Variants in IQCM observed in about 807,000 individuals in gnomAD.
The protein encoded by IQCM is IQ domain-containing protein M.
A neutral mutation model predicts 57.6 loss-of-function variants in IQCM; 45 were observed. The ratio of observed to expected loss-of-function variants is 0.78; its 90% CI spans 0.62 to 1.00. The LOEUF is 1.00. IQCM is among the 50% of genes least tolerant of loss of function. The pLI, the probability that IQCM is intolerant of heterozygous loss-of-function variation, is 0.00. For synonymous variants in IQCM, 148 were observed against 158.9 expected, an observed-to-expected ratio of 0.93 and a Z score of 0.51; for missense variants, 468 against 511.6, an observed-to-expected ratio of 0.91 and a Z score of 0.82.
At chr4:149,812,211 G>A (rs987575631) in intron 2 of IQCM, among the ~76,000 whole-genome samples, 3 of 152,024 alleles carry the variant, frequency 2.0e-5, no homozygotes, top group Non-Finnish European at 4.4e-5. Flanking sequence ...TTTTAATTTG[G>A]AGCCATATTC....
chr4:149,528,284 C>T (rs886872026), intron 12 of IQCM, among the ~76,000 whole-genome samples: 2 of 152,142 alleles, frequency 1.3e-5, no homozygotes, highest in African/African-American at 4.8e-5. Context: ...CCACACCCAG[C>T]CTATCTTGAT....
chr4:149,501,007 G>A lies in IQCM; in HGVS notation c.1228+47448C>T, dbSNP rs1743185652. On this transcript the variant is annotated intron_variant, in intron 12 of 13. Transcript: ENST00000636793. ...ACTTGAAAGAAGACACAGAAGTCAT[G>A]CTTATCCATTTTTGGAAGACAAAAA... Among the ~76,000 whole-genome samples, 3 of 152,162 alleles carry A rather than the reference G, an allele frequency of 2.0e-5. No individual in the cohort carries two copies. The South Asian group carries it at 6.2e-4, about 31-fold the overall frequency.
chr4:149,449,632 A>C (rs554407692), intron 12 of IQCM, among the ~76,000 whole-genome samples: 3 of 151,378 alleles, frequency 2.0e-5, no homozygotes, highest in Non-Finnish European at 3.0e-5. Context: ...CATAAAATTA[A>C]ATATCTAGGA....
At chr4:149,377,020 A>T (rs1053760484) in intron 13 of IQCM, among the ~76,000 whole-genome samples, 4 of 152,134 alleles carry the variant, frequency 2.6e-5, no homozygotes, top group Non-Finnish European at 5.9e-5. Flanking sequence ...ACTTGGTCAC[A>T]TGAAGCTACT....
chr4:149,392,506 T>G (rs1731936551), intron 13 of IQCM, among the ~76,000 whole-genome samples: 2 of 152,178 alleles, frequency 1.3e-5, no homozygotes, highest in South Asian at 4.1e-4. Flanking sequence ...CATAGATACA[T>G]GTCTGACATG....
chr4:149,499,686 T>C (rs1360348756), intron 12 of IQCM, among the ~76,000 whole-genome samples: 1 of 152,036 alleles, frequency 6.6e-6, no homozygotes, highest in Admixed American at 6.6e-5. Context: ...CTTAAAGACA[T>C]TATGAAAAAA....
intron 2 of IQCM, among the ~76,000 whole-genome samples, chr4:149,766,409 C>G (rs890605415): frequency 1.3e-5 from 2 of 152,134 alleles, no homozygotes; most frequent in African/African-American, 4.8e-5. Context: ...AAAAATTTCC[C>G]AATTGACCAC....
intron 13 of IQCM, among the ~76,000 whole-genome samples, chr4:149,370,391 A>G (rs1730279453): frequency 6.6e-6 from 1 of 152,160 alleles, no homozygotes; most frequent in African/African-American, 2.4e-5. Flanking sequence ...AAATATACAT[A>G]AAGCACTTAA....
intron 12 of IQCM, among the ~76,000 whole-genome samples, chr4:149,484,256 A>G (rs1332650521): frequency 6.6e-6 from 1 of 151,744 alleles, no homozygotes; most frequent in East Asian, 1.9e-4. Context: ...TCATCCATTC[A>G]GCCGCTTTAT....
At chr4:149,529,250 G>C (rs1229665143) in intron 12 of IQCM, among the ~76,000 whole-genome samples, 1 of 152,086 alleles carries the variant, frequency 6.6e-6, no homozygotes, top group East Asian at 1.9e-4. Flanking sequence ...TTTTAGTAGA[G>C]ATGGGATTTC....
chr4:149,543,050 A>G (rs952450661), intron 12 of IQCM, among the ~76,000 whole-genome samples: 2 of 148,594 alleles, frequency 1.3e-5, no homozygotes, highest in African/African-American at 2.4e-5. Flanking sequence ...ACCCCTATGA[A>G]ACTGTTAATT....
chr4:149,678,736 T>C (rs1014593504), intron 7 of IQCM, among the ~76,000 whole-genome samples: 3 of 151,420 alleles, frequency 2.0e-5, no homozygotes, highest in Non-Finnish European at 4.4e-5. Flanking sequence ...ATTGACCTGT[T>C]AAGAGATTGA....
At chr4:149,715,700 G>A (rs1764933250) in intron 5 of IQCM, among the ~76,000 whole-genome samples, 1 of 152,174 alleles carries the variant, frequency 6.6e-6, no homozygotes, top group Admixed American at 6.5e-5. Flanking sequence ...GGAGGGTGAG[G>A]TGAAGAGGTG....
Position 149,630,720 on chromosome 4 carries a change from T to A in IQCM, c.566-9476A>T, listed in dbSNP as rs570520168. 9.8e-5 allele frequency among the ~76,000 whole-genome samples: 15 copies of A among 152,332 alleles called. No individual in the cohort carries two copies. The South Asian group carries it at 3.1e-3, about 32-fold the overall frequency. ...CTTTTAGGAAAGTAATTGTCAGTAA[T>A]AAAAGTCTTTTAAATGTTCATATTT... is the stretch of plus-strand genomic sequence containing the variant. On this transcript the variant is annotated intron_variant, in intron 7 of 13. Coordinates refer to ENST00000636793, the MANE Select transcript of IQCM (RefSeq NM_001363507.2).
chr4:149,457,651 A>G (rs1737839770), intron 12 of IQCM, among the ~76,000 whole-genome samples: 1 of 152,086 alleles, frequency 6.6e-6, no homozygotes, highest in Non-Finnish European at 1.5e-5. Context: ...ATGATACAGA[A>G]GTATGATCAA....
chr4:149,556,425 GC>G (rs1749589029), intron 10 of IQCM, among the ~76,000 whole-genome samples: 1 of 151,260 alleles, frequency 6.6e-6, no homozygotes, highest in Admixed American at 6.6e-5. Flanking sequence ...TATATGTTAG[GC>G]TTTTTTAAAC....
At chr4:149,461,183 AG>A (rs1199954493) in intron 12 of IQCM, among the ~76,000 whole-genome samples, 1 of 151,056 alleles carries the variant, frequency 6.6e-6, no homozygotes, top group Non-Finnish European at 1.5e-5. Context: ...CAGTGAGCCA[AG>A]ATCGTGCCAT....
At chr4:149,488,807 G>A (rs564262005) in intron 12 of IQCM, among the ~76,000 whole-genome samples, 1 of 152,178 alleles carries the variant, frequency 6.6e-6, no homozygotes, top group East Asian at 1.9e-4. Context: ...CCCAAGAAGA[G>A]AAAAGGTAAT....
At chr4:149,586,716 G>A (rs551691085) in intron 9 of IQCM, among the ~76,000 whole-genome samples, 2 of 151,498 alleles carry the variant, frequency 1.3e-5, no homozygotes, top group East Asian at 2.0e-4. Context: ...TTAATTAATG[G>A]TTTGTTAAAA....
Sources: gnomAD v4.1 joint callset for allele counts (sites outside exome capture counted in the v4.1 genomes callset) on GRCh38, gnomAD v4.1.1 for gene constraint, MANE v1.5 for transcripts, NCBI Gene and HGNC (gene_info 2026-07-23, HGNC 2026-07-21) for gene names.